Variants in MON2 observed in about 807,000 individuals in gnomAD.
The protein encoded by MON2 is MON2 regulator of endosome-to-Golgi trafficking, also known as protein MON2 homolog.
Under a neutral mutation model 208.6 loss-of-function variants are expected in MON2, and 84 were observed. The observed-to-expected ratio is 0.40, with a 90% CI of 0.34 to 0.48. The LOEUF is 0.48. Among genes scored for constraint, MON2 ranks in the 20% least tolerant of loss-of-function variants. The pLI is 0.59. For synonymous variants in MON2, 660 were observed against 694.0 expected (o/e 0.95, Z 0.77); for missense variants, 1,611 against 2,015.4 (o/e 0.80, Z 3.84).
intron 2 of MON2, among the ~76,000 whole-genome samples, chr12:62,488,340 C>T (rs867513332): frequency 4.6e-5 from 7 of 152,038 alleles, no homozygotes; most frequent in African/African-American, 1.7e-4. Context: ...AAGACTTAGC[C>T]AGGCAAATAA....
intron 1 of MON2, among the ~76,000 whole-genome samples, chr12:62,479,763 T>C (rs561956760): frequency 1.1e-3 from 171 of 152,302 alleles, no homozygotes; most frequent in South Asian, 2.1e-3. Flanking sequence ...TCTGTAGAAC[T>C]TTTTTCATCT....
At chr12:62,582,830 G>A (rs555635353) in intron 32 of MON2, among the ~76,000 whole-genome samples, 6 of 152,200 alleles carry the variant, frequency 3.9e-5, no homozygotes, top group Non-Finnish European at 7.4e-5. Context: ...TTGGCCTTTT[G>A]CTTTTAAGTA....
intron 26 of MON2, chr12:62,565,031 C>A (rs2074327739): frequency 4.4e-6 from 2 of 455,194 alleles, no homozygotes; most frequent in Non-Finnish European, 3.8e-6. Flanking sequence ...TAAAAAAGAA[C>A]ATTTTTTAGC....
chr12:62,474,404 C>G (rs2068955772), intron 1 of MON2, among the ~76,000 whole-genome samples: 1 of 151,832 alleles, frequency 6.6e-6, no homozygotes, highest in Non-Finnish European at 1.5e-5. Flanking sequence ...AGGTGTGAGC[C>G]ACTGCGCCTG....
At chr12:62,588,767 C>T (rs1345404333) in intron 34 of MON2, 1 of 683,672 alleles carries the variant, frequency 1.5e-6, no homozygotes, top group Non-Finnish European at 2.4e-6. Flanking sequence ...TTATTTCCCA[C>T]AATAGATTTC....
intron 23 of MON2, among the ~76,000 whole-genome samples, chr12:62,550,718 C>G (rs1269576049): frequency 1.3e-5 from 2 of 152,088 alleles, no homozygotes; most frequent in Non-Finnish European, 2.9e-5. Flanking sequence ...GAACTAGCCC[C>G]TGCTAGCTTC....
At chr12:62,521,629 A>G (rs192427273) in intron 8 of MON2, among the ~76,000 whole-genome samples, 5 of 152,314 alleles carry the variant, frequency 3.3e-5, no homozygotes, top group Admixed American at 2.6e-4. Flanking sequence ...AAGGGTGAAG[A>G]TAATTAATCT....
chr12:62,570,836 G>A (rs186034591), intron 29 of MON2, among the ~76,000 whole-genome samples: 2 of 143,850 alleles, frequency 1.4e-5, no homozygotes, highest in Admixed American at 7.2e-5. Context: ...GGGTTCAAGC[G>A]ATTCTCTGCC....
At chr12:62,585,735 T>C in intron 33 of MON2, 2 of 326,634 alleles carry the variant, frequency 6.1e-6, no homozygotes, top group Non-Finnish European at 1.1e-5. Flanking sequence ...TAACATATGA[T>C]ACATAGGTAC....
In MON2 at chr12:62,467,156, G is replaced by T; in HGVS notation, c.-52G>T. The T allele has an allele frequency of 6.6e-7, 1 of 1,503,928 alleles. No individual in the cohort carries two copies. Among genetic ancestry groups the T allele is most frequent in the Non-Finnish European group, 9.2e-7 (1 of 1,092,358 alleles). 93.2% of individuals were successfully genotyped at this position (1,503,928 alleles called of 1,614,324 possible). On this transcript the variant is annotated 5_prime_UTR_variant, in exon 1 of 35. Transcript: ENST00000393630. ...TGCCTGTGGCCCTAAGGAGCTGACC[G>T]TGCCAGAGCTTGTTTGTACCTCTCG...
chr12:62,534,791 C>T, intron 12 of MON2, 54 bp from the exon 13 acceptor site: 3 of 1,265,160 alleles, frequency 2.4e-6, no homozygotes, highest in Non-Finnish European at 3.4e-6. Context: ...CATATTAATA[C>T]ATATTGTGCT....
chr12:62,467,628 A>G (rs1419766155), intron 1 of MON2, among the ~76,000 whole-genome samples: 2 of 152,214 alleles, frequency 1.3e-5, no homozygotes, highest in Non-Finnish European at 2.9e-5. Flanking sequence ...AAACTGGCCA[A>G]ACCAAAATTG....
intron 2 of MON2, among the ~76,000 whole-genome samples, chr12:62,485,277 A>T (rs920325823): frequency 1.3e-5 from 2 of 152,260 alleles, no homozygotes; most frequent in Admixed American, 1.3e-4. Context: ...TGAGGAAAGT[A>T]GTCCTATTAA....
intron 8 of MON2, chr12:62,508,699 C>G: frequency 2.2e-6 from 1 of 459,590 alleles, no homozygotes; most frequent in East Asian, 3.5e-5. Flanking sequence ...AGAGTCATTG[C>G]CTGTTGTCTG....
intron 20 of MON2, 132 bp downstream of exon 20, chr12:62,543,330 G>A: frequency 2.3e-6 from 1 of 432,552 alleles, no homozygotes. Context: ...ACTTACTTAT[G>A]TTTGTACATT....
At position 62,546,890 on chromosome 12, in the gene MON2, T is replaced by G. The variant is rs749981612; in HGVS notation, c.2578-7T>G. The stretch of plus-strand genomic sequence containing the variant: ...TCTTCCTAATTAGTTTCTTGCCCCC[T>G]TTTCAGAGGCTGCAGTTGCTTTTAT... On this transcript the variant is annotated splice_region_variant and splice_polypyrimidine_tract_variant and intron_variant, in intron 21 of 34. Coordinates refer to ENST00000393630, the MANE Select transcript of MON2 (RefSeq NM_015026.3). 4.4e-5 allele frequency: 69 copies of G among 1,581,462 alleles called. No individual in the cohort carries two copies. Among genetic ancestry groups the G allele is most frequent in the Admixed American group, 7.0e-5 (4 of 56,742 alleles).
Position 62,534,895 on chromosome 12 carries a change from C to T in MON2, c.1684C>T (p.Leu562Phe). 1 of 1,611,872 alleles carries T rather than the reference C, an allele frequency of 6.2e-7. No individual in the cohort carries two copies. The highest frequency in any genetic ancestry group is 8.5e-7 in the Non-Finnish European group (1 of 1,178,806). Reference protein sequence around the residue: ...EMVNACWCGLLAALSLLLDAS... With the variant: ...EMVNACWCGLFAALSLLLDAS... ...GGTGAATGCCTGCTGGTGTGGTCTT[C>T]TTGCTGCACTCTCACTCCTTCTTGA... Residue 562 changes from leucine (L) to phenylalanine (F), a missense_variant, in exon 13 of 35, where the codon CTT (leucine) becomes TTT (phenylalanine). Transcript: ENST00000393630.
chr12:62,497,549 A>G (rs11614022), intron 4 of MON2, among the ~76,000 whole-genome samples: 17,369 of 152,204 alleles, frequency 0.11, 1,274 homozygotes, highest in Middle Eastern at 0.25. Context: ...GATAGTTCTA[A>G]ATTCACGTAT....
intron 25 of MON2, among the ~76,000 whole-genome samples, chr12:62,558,258 G>A (rs956048628): frequency 6.6e-5 from 10 of 151,972 alleles, no homozygotes; most frequent in East Asian, 1.9e-4. Context: ...GATTACAGGC[G>A]TGAGCCATCA....
Sources: gnomAD v4.1 joint callset for allele counts (sites outside exome capture counted in the v4.1 genomes callset) on GRCh38, gnomAD v4.1.1 for gene constraint, MANE v1.5 for transcripts, NCBI Gene and HGNC (gene_info 2026-07-23, HGNC 2026-07-21) for gene names.